The following PRPF18 variants were observed in gnomAD, a reference collection of about 807,000 sequenced individuals.
The protein encoded by PRPF18 is pre-mRNA-splicing factor 18.
Under a neutral mutation model 46.5 loss-of-function variants are expected in PRPF18, and 38 were observed. The ratio of observed to expected loss-of-function variants is 0.82; its 90% CI spans 0.63 to 1.07. The LOEUF is 1.07. PRPF18 is among the 50% of genes least tolerant of loss of function. PRPF18 has a pLI of 0.00. For missense variants in PRPF18, 263 were observed against 410.0 expected, an observed-to-expected ratio of 0.64 and a Z score of 3.10; for synonymous variants, 152 against 146.7, an observed-to-expected ratio of 1.04 and a Z score of -0.26.
chr10:13,617,528 A>T (rs546842675), intron 9 of PRPF18, among the ~76,000 whole-genome samples: 8 of 137,578 alleles, frequency 5.8e-5, no homozygotes, highest in African/African-American at 2.2e-4. Context: ...AGTGTATTAA[A>T]GGCAGAAGCT....
chr10:13,597,610 C>A (rs754392906), intron 2 of PRPF18, 75 bp downstream of exon 2: 1 of 1,600,898 alleles, frequency 6.2e-7, no homozygotes, highest in South Asian at 1.1e-5. Context: ...AAATGACAAT[C>A]ATTGATCTCT....
At chr10:13,650,032 A>AGAATGCCCTTTCCC in the PRPF18 span, among the ~76,000 whole-genome samples, 3 of 152,190 alleles carry the variant, frequency 2.0e-5, no homozygotes, top group African/African-American at 7.2e-5. Context: ...TTCCACTGCA[A>AGAATGCCCTTTCCC]GAATGCCCTT....
At chr10:13,592,106 G>A (rs949266264) in intron 1 of PRPF18, 3 of 584,122 alleles carry the variant, frequency 5.1e-6, no homozygotes, top group African/African-American at 3.8e-5. Context: ...TAGCGGCTGA[G>A]TACTTCCTCT....
At chr10:13,628,088 G>A (rs1286089827) in intron 9 of PRPF18, among the ~76,000 whole-genome samples, 5 of 152,162 alleles carry the variant, frequency 3.3e-5, no homozygotes, top group African/African-American at 9.7e-5. Flanking sequence ...GTGATGGAAT[G>A]GTCTTTATCC....
chr10:13,597,218 T>A (rs1205483358), intron 1 of PRPF18, among the ~76,000 whole-genome samples: 1 of 152,208 alleles, frequency 6.6e-6, no homozygotes, highest in Non-Finnish European at 1.5e-5. Flanking sequence ...TGCCTACTGA[T>A]TGATACTGCA....
At chr10:13,607,742 C>G (rs2080211543) in intron 4 of PRPF18, among the ~76,000 whole-genome samples, 1 of 152,070 alleles carries the variant, frequency 6.6e-6, no homozygotes, top group South Asian at 2.1e-4. Flanking sequence ...ATGGTCATTG[C>G]TTTTTGTGTC....
intron 1 of PRPF18, chr10:13,591,928 G>GGTT (rs1564448930): frequency 2.4e-5 from 24 of 1,011,776 alleles, no homozygotes; most frequent in East Asian, 4.8e-5. Context: ...TCAACTGAGG[G>GGTT]TTTTTTTTTT....
rs200277491 is a variant in PRPF18, at chr10:13,587,081, G to T, written c.-6G>T. ...GGGAAACTGGAGCTTAAATTCTGGC[G>T]GCGAGATGGACATTCTGAAATCAGA... On this transcript the variant is annotated 5_prime_UTR_variant, in exon 1 of 10. Coordinates refer to ENST00000378572, the MANE Select transcript of PRPF18 (RefSeq NM_003675.4). The T allele has an allele frequency of 6.2e-7, 1 of 1,614,006 alleles. No homozygotes were observed. Among genetic ancestry groups the T allele is most frequent in the South Asian group, 1.1e-5 (1 of 91,076 alleles).
At chr10:13,615,084 G>T (rs2080321144) in intron 8 of PRPF18, among the ~76,000 whole-genome samples, 1 of 152,180 alleles carries the variant, frequency 6.6e-6, no homozygotes, top group Non-Finnish European at 1.5e-5. Context: ...TTTTCTCAAA[G>T]AAAATATTTT....
At chr10:13,605,595 A>G in intron 3 of PRPF18, 36 bp from the exon 4 acceptor site, 1 of 1,534,394 alleles carries the variant, frequency 6.5e-7, no homozygotes, top group Non-Finnish European at 8.7e-7. Flanking sequence ...AAAAAAAAAA[A>G]AAAAAAATTT....
the PRPF18 span, chr10:13,652,820 A>G: frequency 6.6e-6 from 1 of 152,160 alleles, no homozygotes; most frequent in Non-Finnish European, 1.5e-5. Flanking sequence ...TCACCCCCAG[A>G]GTTTTGGATT....
chr10:13,650,177 G>C, the PRPF18 span, among the ~76,000 whole-genome samples: 1 of 152,210 alleles, frequency 6.6e-6, no homozygotes, highest in East Asian at 1.9e-4. Context: ...GCATAGGGAG[G>C]TGGGGCTGCT....
chr10:13,654,078 T>G, the PRPF18 span: 1 of 452,216 alleles, frequency 2.2e-6, no homozygotes, highest in Non-Finnish European at 3.9e-6. Context: ...TTGCCTGGCA[T>G]TTTGAGTCAG....
intron 4 of PRPF18, among the ~76,000 whole-genome samples, chr10:13,606,532 C>G (rs879712798): frequency 1.3e-5 from 2 of 151,714 alleles, no homozygotes; most frequent in Non-Finnish European, 2.9e-5. Flanking sequence ...GTGAAGAGAT[C>G]GAGACCATCC....
At chr10:13,597,672 G>C in intron 2 of PRPF18, 137 bp downstream of exon 2, 2 of 1,599,182 alleles carry the variant, frequency 1.3e-6, no homozygotes, top group Non-Finnish European at 1.7e-6. Context: ...ATCTGGAGAG[G>C]TATGAGTTTT....
the PRPF18 span, chr10:13,648,738 TTTCA>T: frequency 6.6e-6 from 1 of 152,190 alleles, no homozygotes; most frequent in Non-Finnish European, 1.5e-5. Flanking sequence ...GAACTGAGTT[TTTCA>T]TATGTAACTA....
At chr10:13,636,524 G>A in the PRPF18 span, among the ~76,000 whole-genome samples, 1 of 152,094 alleles carries the variant, frequency 6.6e-6, no homozygotes, top group Non-Finnish European at 1.5e-5. Context: ...ACAGTGGCTT[G>A]GCCCTTTGAA....
At chr10:13,627,106 T>C (rs2080519271) in intron 9 of PRPF18, among the ~76,000 whole-genome samples, 1 of 152,186 alleles carries the variant, frequency 6.6e-6, no homozygotes, top group Non-Finnish European at 1.5e-5. Flanking sequence ...ATCGTGTTGC[T>C]CTGTTGTTCA....
At chr10:13,605,104 A>G (rs1217582232) in intron 3 of PRPF18, among the ~76,000 whole-genome samples, 2 of 152,200 alleles carry the variant, frequency 1.3e-5, no homozygotes, top group Non-Finnish European at 2.9e-5. Flanking sequence ...TTTTTAAAGT[A>G]CTTGATTTTC....
Sources: gnomAD v4.1 joint callset for allele counts (sites outside exome capture counted in the v4.1 genomes callset) on GRCh38, gnomAD v4.1.1 for gene constraint, MANE v1.5 for transcripts, NCBI Gene and HGNC (gene_info 2026-07-23, HGNC 2026-07-21) for gene names.